EPB41L2: variants seen among roughly 807,000 people sequenced by gnomAD.
EPB41L2 encodes erythrocyte membrane protein band 4.1 like 2.
EPB41L2 carries 43 observed loss-of-function variants against 113.0 expected under a neutral mutation model. That is an observed-to-expected ratio of 0.38 (90% confidence interval 0.30 to 0.49). EPB41L2 has a LOEUF of 0.49. Among genes scored for constraint, EPB41L2 ranks in the 20% least tolerant of loss-of-function variants. The pLI, the probability that EPB41L2 is intolerant of heterozygous loss-of-function variation, is 0.95. For synonymous variants in EPB41L2, 442 were observed against 436.7 expected, an observed-to-expected ratio of 1.01 and a Z score of -0.15; for missense variants, 1,147 against 1,223.4, an observed-to-expected ratio of 0.94 and a Z score of 0.93.
intron 4 of EPB41L2, among the ~76,000 whole-genome samples, chr6:130,920,239 C>T (rs1802441951): frequency 1.3e-5 from 2 of 152,204 alleles, no homozygotes; most frequent in South Asian, 4.1e-4. Flanking sequence ...GAGGCTATTT[C>T]AATTTAAATT....
intron 1 of EPB41L2, among the ~76,000 whole-genome samples, chr6:130,977,908 CA>C (rs1200693687): frequency 2.0e-5 from 3 of 152,180 alleles, no homozygotes; most frequent in Non-Finnish European, 2.9e-5. Flanking sequence ...TTTCCATGGT[CA>C]AAAGGTTCAT....
chr6:130,871,552 C>G (rs567907509), intron 14 of EPB41L2, among the ~76,000 whole-genome samples: 1 of 152,206 alleles, frequency 6.6e-6, no homozygotes, highest in South Asian at 2.1e-4. Flanking sequence ...ATCCTAACAT[C>G]ACACACACAC....
At chr6:131,037,199 T>C (rs1163895808) in intron 1 of EPB41L2, among the ~76,000 whole-genome samples, 1 of 152,200 alleles carries the variant, frequency 6.6e-6, no homozygotes, top group Admixed American at 6.5e-5. Context: ...TCCACAAGCA[T>C]CTACAGAACG....
Position 130,993,962 on chromosome 6 carries a change from A to G in EPB41L2, c.-14-37463T>C, listed in dbSNP as rs544801538. Among the ~76,000 whole-genome samples, 3 of 152,344 alleles carry G rather than the reference A, an allele frequency of 2.0e-5. No individual in the cohort carries two copies. In the South Asian group the frequency reaches 6.2e-4, roughly 32 times the overall value. On this transcript the variant is annotated intron_variant, in intron 1 of 19. Transcript: ENST00000337057. The stretch of plus-strand genomic sequence containing the variant: ...AGGCAGTATATGACCTAACCTAACA[A>G]TAGCTCTGTTACCGACTTTAAGCCA...
chr6:130,844,445 G>A (rs1387013740), intron 19 of EPB41L2, among the ~76,000 whole-genome samples: 7 of 151,738 alleles, frequency 4.6e-5, no homozygotes, highest in African/African-American at 7.3e-5. Flanking sequence ...GGTGGTGGGC[G>A]CCTGTAGTCC....
intron 11 of EPB41L2, among the ~76,000 whole-genome samples, chr6:130,888,541 C>T (rs1791782030): frequency 6.6e-6 from 1 of 152,124 alleles, no homozygotes; most frequent in South Asian, 2.1e-4. Context: ...CTAAACTTTG[C>T]AATATAAGAG....
chr6:130,971,592 T>A (rs1284262984), intron 1 of EPB41L2, among the ~76,000 whole-genome samples: 1 of 152,248 alleles, frequency 6.6e-6, no homozygotes, highest in Non-Finnish European at 1.5e-5. Context: ...GGCAAATGGA[T>A]AATTCACATC....
At chr6:130,926,284 A>G (rs1398992367) in intron 4 of EPB41L2, among the ~76,000 whole-genome samples, 3 of 152,242 alleles carry the variant, frequency 2.0e-5, no homozygotes, top group Non-Finnish European at 4.4e-5. Flanking sequence ...GCCAAAAGTG[A>G]TTAAAATAAT....
chr6:130,894,367 G>C lies in EPB41L2; in HGVS notation c.1464C>G (p.Cys488Trp). ...HRAAKRLWKVCVEHHTFYRLV... is the reference protein window; with the variant it reads ...HRAAKRLWKVWVEHHTFYRLV... ...ACCTGTAGAAAGTATGATGCTCCAC[G>C]CACACTTTCCATAGTCTTTTCGCTG... Residue 488 changes from cysteine to tryptophan, a missense_variant, in exon 10 of 20, where the codon TGC (cysteine) becomes TGG (tryptophan). Physicochemically the swap from Cys to Trp is radical, Grantham distance 215. Coordinates refer to ENST00000337057, the MANE Select transcript of EPB41L2 (RefSeq NM_001431.4). The C allele has an allele frequency of 6.2e-7, 1 of 1,613,506 alleles. No homozygotes were observed. The highest frequency in any genetic ancestry group is 1.3e-5 in the African/African-American group (1 of 74,954).
intron 1 of EPB41L2, among the ~76,000 whole-genome samples, chr6:131,045,956 T>C (rs1442829763): frequency 2.0e-5 from 3 of 151,728 alleles, no homozygotes; most frequent in East Asian, 3.9e-4. Context: ...CTCTTTTTTT[T>C]TTTTTTTTGA....
chr6:131,002,299 A>G (rs1452432580), intron 1 of EPB41L2, among the ~76,000 whole-genome samples: 3 of 152,292 alleles, frequency 2.0e-5, no homozygotes, highest in African/African-American at 7.2e-5. Flanking sequence ...TAATACTGAG[A>G]ACGTACAAGG....
chr6:131,028,302 T>C (rs1424358295), intron 1 of EPB41L2, among the ~76,000 whole-genome samples: 1 of 152,174 alleles, frequency 6.6e-6, no homozygotes, highest in East Asian at 1.9e-4. Flanking sequence ...ACAGAACTCA[T>C]TTCCCCTTCT....
At chr6:130,849,081 A>G (rs1777981678) in intron 19 of EPB41L2, among the ~76,000 whole-genome samples, 1 of 152,180 alleles carries the variant, frequency 6.6e-6, no homozygotes, top group East Asian at 1.9e-4. Context: ...ACATATATGC[A>G]TAAGGAGACT....
rs764230245 is a variant in EPB41L2, at chr6:130,869,865, C to T, written c.2305G>A (p.Glu769Lys). 1.3e-5 allele frequency: 21 copies of T among 1,613,484 alleles called. No individual in the cohort carries two copies. The South Asian group carries it at 2.2e-4, about 17-fold the overall frequency. ...ACCTCTTCTTCATACTCCTGTTCCT[C>T]CCTGATGGTGCCCTCGGTCACTCGG... Reference protein sequence around the residue: ...HHRVTEGTIREEQEYEEEVEE... With the variant: ...HHRVTEGTIRKEQEYEEEVEE... Residue 769 changes from glutamate to lysine, a missense_variant, in exon 15 of 20, where the codon GAG (glutamate) becomes AAG (lysine). Coordinates refer to ENST00000337057, the MANE Select transcript of EPB41L2 (RefSeq NM_001431.4).
At chr6:131,036,577 C>G (rs899342278) in intron 1 of EPB41L2, among the ~76,000 whole-genome samples, 8 of 152,268 alleles carry the variant, frequency 5.3e-5, no homozygotes, top group African/African-American at 1.9e-4. Context: ...CAGTTCTTGC[C>G]TCAAGTTTTT....
At chr6:130,865,463 G>T in intron 17 of EPB41L2, 73 bp downstream of exon 17, 1 of 1,443,814 alleles carries the variant, frequency 6.9e-7, no homozygotes, top group Non-Finnish European at 9.7e-7. Context: ...TGTACAGGAA[G>T]AGAGAAACAA....
intron 12 of EPB41L2, chr6:130,880,411 G>A: frequency 1.6e-6 from 1 of 620,402 alleles, no homozygotes; most frequent in Non-Finnish European, 2.9e-6. Context: ...CTAATGGCAG[G>A]CAGCAGTCAT....
At chr6:130,902,209 T>C (rs546782877) in intron 6 of EPB41L2, among the ~76,000 whole-genome samples, 2 of 152,340 alleles carry the variant, frequency 1.3e-5, no homozygotes, top group African/African-American at 4.8e-5. Context: ...ATCTTAGTCC[T>C]GTGGACACTT....
intron 1 of EPB41L2, among the ~76,000 whole-genome samples, chr6:130,983,028 G>C (rs1779729978): frequency 6.6e-6 from 1 of 152,124 alleles, no homozygotes; most frequent in Middle Eastern, 3.2e-3. Flanking sequence ...TGCTTATATA[G>C]CCTCAACTAC....
Sources: allele counts gnomAD v4.1 joint callset (sites outside exome capture counted in the v4.1 genomes callset), GRCh38; gene constraint gnomAD v4.1.1; transcripts MANE v1.5; gene names NCBI Gene and HGNC (gene_info 2026-07-23, HGNC 2026-07-21).